Variants in GSG1L2 observed in about 807,000 individuals in gnomAD.
The protein encoded by GSG1L2 is GSG1 like 2, also known as germ cell-specific gene 1-like protein 2.
In GSG1L2, 15 loss-of-function variants were observed where a neutral mutation model predicts 9.0. The observed-to-expected ratio is 1.67, with a 90% CI of 1.12 to 2.57. The LOEUF (loss-of-function observed/expected upper bound fraction) is 2.57, where lower values mean the gene tolerates loss of function less well. GSG1L2 is among the 30% of genes most tolerant of loss of function. The pLI, the probability that GSG1L2 is intolerant of heterozygous loss-of-function variation, is 0.00. For synonymous variants in GSG1L2, 127 were observed against 57.9 expected (o/e 2.19, Z -5.41); for missense variants, 286 against 150.3 (o/e 1.90, Z -4.72).
At chr17:9,813,938 T>C (rs2066549354) in intron 1 of GSG1L2, among the ~76,000 whole-genome samples, 1 of 118,122 alleles carries the variant, frequency 8.5e-6, no homozygotes, top group South Asian at 3.5e-4. Context: ...CATTCCACAG[T>C]TTTTTCTGTT....
At chr17:9,816,522 C>CTGTGTGGTTGTGTG (rs1491196761) in intron 1 of GSG1L2, among the ~76,000 whole-genome samples, 1 of 140,664 alleles carries the variant, frequency 7.1e-6, no homozygotes, top group African/African-American at 2.7e-5. Context: ...GTGTGCGTGT[C>CTGTGTGGTTGTGTG]TGTGTCTCTG....
intron 4 of GSG1L2, among the ~76,000 whole-genome samples, chr17:9,806,883 G>T (rs986440213): frequency 6.6e-6 from 1 of 152,194 alleles, no homozygotes; most frequent in Non-Finnish European, 1.5e-5. Flanking sequence ...ACACACATGC[G>T]TTCACTGAAT....
At chr17:9,803,848 C>G (rs746696743) in intron 4 of GSG1L2, 5 of 152,148 alleles carry the variant, frequency 3.3e-5, no homozygotes, top group Non-Finnish European at 5.9e-5. Flanking sequence ...AGTGGGACAT[C>G]CTGGATGCGG....
chr17:9,814,374 CCTTTTCTG>C (rs2066551311), intron 1 of GSG1L2, among the ~76,000 whole-genome samples: 1 of 152,162 alleles, frequency 6.6e-6, no homozygotes, highest in African/African-American at 2.4e-5. Flanking sequence ...GACTCAGAGG[CCTTTTCTG>C]AATCGCTTCT....
chr17:9,805,133 A>G (rs1340677599), intron 4 of GSG1L2: 4 of 152,156 alleles, frequency 2.6e-5, no homozygotes, highest in African/African-American at 9.7e-5. Flanking sequence ...AACCCAAAAG[A>G]CCTAATATCT....
At chr17:9,816,323 C>T (rs1355549985) in intron 1 of GSG1L2, among the ~76,000 whole-genome samples, 1 of 152,016 alleles carries the variant, frequency 6.6e-6, no homozygotes, top group Non-Finnish European at 1.5e-5. Flanking sequence ...AAAACCCTTC[C>T]GTGGTGTGAT....
intron 1 of GSG1L2, among the ~76,000 whole-genome samples, chr17:9,816,627 G>T (rs1325874139): frequency 6.9e-6 from 1 of 145,342 alleles, no homozygotes; most frequent in Admixed American, 6.9e-5. Context: ...TGTCTGTTTT[G>T]CATGTCTGTG....
chr17:9,802,413 G>A lies in GSG1L2; in HGVS notation c.855C>T (p.Gly285=), dbSNP rs190970604. 1.5e-5 allele frequency: 10 copies of A among 679,630 alleles called. No individual in the cohort carries two copies. Among genetic ancestry groups the A allele is most frequent in the Admixed American group, 4.2e-5 (2 of 47,064 alleles). 42.1% of individuals were successfully genotyped at this position (679,630 alleles called of 1,614,324 possible). A position where few individuals can be genotyped will look rare whatever the true frequency, so the allele number is the denominator to read the frequency against. Residue 285 remains glycine (G), a synonymous_variant, in exon 5 of 5, where the codon GGC becomes GGT. Coordinates refer to ENST00000399363, the MANE Select transcript of GSG1L2 (RefSeq NM_001310219.2). The part of the protein sequence containing the change: ...FRNVSGHLPP[G]APGKVSIC ...AGCATATGGACACCTTGCCTGGGGC[G>A]CCTGGTGGGAGGTGTCCAGAAACAT...
chr17:9,820,330 A>C lies in GSG1L2; in HGVS notation c.310+1432T>G, dbSNP rs544676748. ...ATGGAATTTCCCAAGTGATTTGCCT[A>C]TAAGTATGGTGAATACAGTTTCCAA... On this transcript the variant is annotated intron_variant, in intron 1 of 4. Coordinates refer to ENST00000399363, the MANE Select transcript of GSG1L2 (RefSeq NM_001310219.2). This position sits in a 1 kb window ranked among gnomAD's most constrained non-coding sequence, Gnocchi z 4.9. 1.3e-5 allele frequency among the ~76,000 whole-genome samples: 2 copies of C among 152,196 alleles called. No individual in the cohort carries two copies. Among genetic ancestry groups the C allele is most frequent in the African/African-American group, 2.4e-5 (1 of 41,436 alleles).
At chr17:9,812,420 C>T (rs993993597) in intron 1 of GSG1L2, among the ~76,000 whole-genome samples, 2 of 152,092 alleles carry the variant, frequency 1.3e-5, no homozygotes, top group Non-Finnish European at 2.9e-5. Flanking sequence ...ACACACAGCC[C>T]ATCTTTTTGC....
At chr17:9,816,446 G>GTCCGTGTGCGTGTCTGTGTGTGTGTGCA (rs1567711207) in intron 1 of GSG1L2, among the ~76,000 whole-genome samples, 1 of 36,026 alleles carries the variant, frequency 2.8e-5, no homozygotes, top group African/African-American at 1.3e-4. Flanking sequence ...CTCTGTGTGC[G>GTCCGTGTGCGTGTCTGTGTGTGTGTGCA]TGTGTCTGTG....
rs1287906100 is a variant in GSG1L2, at chr17:9,802,075, G to C, written c.*311C>G. Among the ~76,000 whole-genome samples the C allele has an allele frequency of 6.6e-6, 1 of 152,116 alleles. No individual in the cohort carries two copies. Among genetic ancestry groups the C allele is most frequent in the African/African-American group, 2.4e-5 (1 of 41,436 alleles). On this transcript the variant is annotated 3_prime_UTR_variant, in exon 5 of 5. Coordinates refer to ENST00000399363, the MANE Select transcript of GSG1L2 (RefSeq NM_001310219.2). ...TCTTTCTTCAACTTCTCTTCCCTTA[G>C]TACTGGCATCCTCCCTGTTTCTTTG...
At chr17:9,816,359 TATGC>T in intron 1 of GSG1L2, among the ~76,000 whole-genome samples, 1 of 108,412 alleles carries the variant, frequency 9.2e-6, no homozygotes, top group East Asian at 4.6e-3. Flanking sequence ...CGTGCACGCG[TATGC>T]GTGTGTCTGT....
chr17:9,800,792 C>T lies in GSG1L2; in HGVS notation c.*1594G>A, dbSNP rs1183258490. On this transcript the variant is annotated 3_prime_UTR_variant, in exon 5 of 5. Transcript: ENST00000399363. ...ACATGAATACATAGGGATGAAAAACCATATGAAAGAACCTGCACACTGCAA... is the reference window on the plus strand; with the variant it reads ...ACATGAATACATAGGGATGAAAAACTATATGAAAGAACCTGCACACTGCAA... 6.6e-6 allele frequency among the ~76,000 whole-genome samples: 1 copy of T among 152,144 alleles called. No homozygotes were observed. Among genetic ancestry groups the T allele is most frequent in the East Asian group, 1.9e-4 (1 of 5,182 alleles).
chr17:9,801,074 A>T lies in GSG1L2; in HGVS notation c.*1312T>A, dbSNP rs1204063650. Among the ~76,000 whole-genome samples the T allele has an allele frequency of 6.6e-6, 1 of 152,154 alleles. No individual in the cohort carries two copies. The highest frequency in any genetic ancestry group is 1.5e-5 in the Non-Finnish European group (1 of 68,026). On this transcript the variant is annotated 3_prime_UTR_variant, in exon 5 of 5. Transcript: ENST00000399363. ...TATGACAGTATAAGTGTTACAGTTC[A>T]GCATAAACAGATTTTTATTGGATTT...
At position 9,821,812 on chromosome 17, in the gene GSG1L2, C is replaced by T. The variant is rs1305329301; in HGVS notation, c.260G>A (p.Gly87Glu). 1.4e-6 allele frequency: 1 copy of T among 703,464 alleles called. No homozygotes were observed. The highest frequency in any genetic ancestry group is 1.7e-5 in the African/African-American group (1 of 57,276). The allele number at this position is 703,464 out of a possible 1,614,324, so 43.6% of individuals were successfully genotyped here. A position where few individuals can be genotyped will look rare whatever the true frequency, so the allele number is the denominator to read the frequency against. The part of the protein sequence containing the change: ...ELGDDKFIQR[G>E]FHVGLWQSCE... ...GGACTGCCAGAGCCCCACATGGAAC[C>T]CCCGCTGAATGAACTTGTCATCACC... Residue 87 changes from glycine (G) to glutamate (E), a missense_variant, in exon 1 of 5, where the codon GGG (glycine) becomes GAG (glutamate). Physicochemically the swap from Gly to Glu is moderately conservative, Grantham distance 98 (BLOSUM62 -2). Transcript: ENST00000399363.
Position 9,800,821 on chromosome 17 carries a change from G to T in GSG1L2, c.*1565C>A, listed in dbSNP as rs940605100. On this transcript the variant is annotated 3_prime_UTR_variant, in exon 5 of 5. Coordinates refer to ENST00000399363, the MANE Select transcript of GSG1L2 (RefSeq NM_001310219.2). Reference sequence around the variant, plus strand: ...TGAAAGAACCTGCACACTGCAAAGGGCAGAGGCTTGTGGGTACAAACTCTC... The same window carrying T: ...TGAAAGAACCTGCACACTGCAAAGGTCAGAGGCTTGTGGGTACAAACTCTC... Among the ~76,000 whole-genome samples the T allele has an allele frequency of 1.1e-4, 16 of 152,324 alleles. No individual in the cohort carries two copies. Among genetic ancestry groups the T allele is most frequent in the African/African-American group, 2.9e-4 (12 of 41,574 alleles).
intron 1 of GSG1L2, among the ~76,000 whole-genome samples, chr17:9,814,386 C>A (rs899861848): frequency 6.6e-6 from 1 of 152,142 alleles, no homozygotes; most frequent in Non-Finnish European, 1.5e-5. Flanking sequence ...TTTTCTGAAT[C>A]GCTTCTTGTC....
chr17:9,802,101 G>C lies in GSG1L2; in HGVS notation c.*285C>G, dbSNP rs993960548. On this transcript the variant is annotated 3_prime_UTR_variant, in exon 5 of 5. Transcript: ENST00000399363. Reference sequence around the variant, plus strand: ...TACTGGCATCCTCCCTGTTTCTTTGGTATCCTTATCAAATTCACTGTCATT... The same window carrying C: ...TACTGGCATCCTCCCTGTTTCTTTGCTATCCTTATCAAATTCACTGTCATT... Among the ~76,000 whole-genome samples, 1 of 152,080 alleles carries C rather than the reference G, an allele frequency of 6.6e-6. No individual in the cohort carries two copies. Among genetic ancestry groups the C allele is most frequent in the African/African-American group, 2.4e-5 (1 of 41,404 alleles).
Sources: allele counts gnomAD v4.1 joint callset (sites outside exome capture counted in the v4.1 genomes callset), GRCh38; gene constraint gnomAD v4.1.1; non-coding constraint Gnocchi (gnomAD v3.1); transcripts MANE v1.5; gene names NCBI Gene and HGNC (gene_info 2026-07-23, HGNC 2026-07-21).